SBNO2: variants seen among roughly 807,000 people sequenced by gnomAD.
SBNO2 encodes the protein protein strawberry notch homolog 2.
Under a neutral mutation model 146.3 loss-of-function variants are expected in SBNO2, and 89 were observed. The observed-to-expected ratio is 0.61, with a 90% confidence interval of 0.51 to 0.73. SBNO2 has a LOEUF of 0.73. Among genes scored for constraint, SBNO2 ranks in the 30% least tolerant of loss-of-function variants. The pLI is 0.00. For synonymous variants in SBNO2, 1,147 were observed against 892.6 expected, an observed-to-expected ratio of 1.29 and a Z score of -5.08; for missense variants, 2,092 against 2,003.7, an observed-to-expected ratio of 1.04 and a Z score of -0.84.
At chr19:1,152,187 C>T (rs1275182546) in intron 2 of SBNO2, among the ~76,000 whole-genome samples, 1 of 152,202 alleles carries the variant, frequency 6.6e-6, no homozygotes, top group Non-Finnish European at 1.5e-5. Context: ...CCAGTGCCCC[C>T]GCCGGGTTCC....
chr19:1,131,616 C>A (rs767845052), intron 4 of SBNO2, among the ~76,000 whole-genome samples: 1 of 152,212 alleles, frequency 6.6e-6, no homozygotes, highest in South Asian at 2.1e-4. Context: ...CCACCAGAGC[C>A]AGCCCTGACC....
chr19:1,158,987 G>A lies in SBNO2; in HGVS notation c.-126-4585C>T, dbSNP rs1351128025. Among the ~76,000 whole-genome samples, 14 of 133,878 alleles carry A rather than the reference G, an allele frequency of 1.0e-4. No individual in the cohort carries two copies. Among genetic ancestry groups the A allele is most frequent in the African/African-American group, 2.0e-4 (7 of 34,314 alleles). 87.8% of individuals were successfully genotyped at this position (133,878 alleles called of 152,430 possible). A position where few individuals can be genotyped will look rare whatever the true frequency, so the allele number is the denominator to read the frequency against. On this transcript the variant is annotated intron_variant, in intron 1 of 31. Transcript: ENST00000361757. This position sits in a 1 kb window ranked among gnomAD's most constrained non-coding sequence, Gnocchi z 9.9. ...CTTGCAGCTGCAACCGCCGCCCCAC[G>A]GCCGTGACCCCACCTGCACCCGCGA...
In SBNO2 at chr19:1,112,961, A is replaced by G; in HGVS notation, c.2248-12T>C. The G allele has an allele frequency of 6.4e-7, 1 of 1,554,678 alleles. No individual in the cohort carries two copies. Among genetic ancestry groups the G allele is most frequent in the Non-Finnish European group, 8.7e-7 (1 of 1,150,886 alleles). ...TTCCTGCCGGTCATCTGCAGCCGAGACAGGGACAAAACCGGCCGTCAGTGT... is the reference window on the plus strand; with the variant it reads ...TTCCTGCCGGTCATCTGCAGCCGAGGCAGGGACAAAACCGGCCGTCAGTGT... On this transcript the variant is annotated splice_polypyrimidine_tract_variant and intron_variant, in intron 19 of 31. Transcript: ENST00000361757. The surrounding 1 kb of genome is among the most constrained non-coding windows in gnomAD (Gnocchi z 5.9).
At chr19:1,153,584 C>T (rs1022214647) in intron 2 of SBNO2, among the ~76,000 whole-genome samples, 1 of 151,858 alleles carries the variant, frequency 6.6e-6, no homozygotes, top group African/African-American at 2.4e-5. Context: ...GTCGCCCAGG[C>T]TAGAGTTCAG....
At chr19:1,169,926 C>T (rs1255938436) in intron 1 of SBNO2, among the ~76,000 whole-genome samples, 2 of 152,180 alleles carry the variant, frequency 1.3e-5, no homozygotes, top group Non-Finnish European at 2.9e-5. Context: ...ACAGCAGTCA[C>T]TCCCCCGCCT....
At chr19:1,159,786 CAG>C (rs1368699613) in intron 1 of SBNO2, among the ~76,000 whole-genome samples, 2 of 59,176 alleles carry the variant, frequency 3.4e-5, no homozygotes, top group Non-Finnish European at 6.5e-5. Context: ...CAGTGGGGGA[CAG>C]TGGGGGAACA....
At chr19:1,143,434 T>A (rs554699621) in intron 4 of SBNO2, among the ~76,000 whole-genome samples, 1 of 152,264 alleles carries the variant, frequency 6.6e-6, no homozygotes, top group Admixed American at 6.5e-5. Flanking sequence ...ATTGCACCGC[T>A]GCACTCCAGG....
intron 2 of SBNO2, 137 bp downstream of exon 2, chr19:1,154,047 C>G (rs2080266087): frequency 2.4e-6 from 1 of 416,978 alleles, no homozygotes; most frequent in African/African-American, 2.1e-5. Flanking sequence ...GAGCCGGGCT[C>G]CGGGCCAGGA....
intron 4 of SBNO2, among the ~76,000 whole-genome samples, chr19:1,145,912 C>T (rs985114119): frequency 2.6e-5 from 4 of 152,128 alleles, no homozygotes; most frequent in African/African-American, 9.7e-5. Flanking sequence ...CCAGGCCACA[C>T]ACTGGGGGCT....
In SBNO2 at chr19:1,108,531, G is replaced by C. The variant is rs1255156076; in HGVS notation, c.3790C>G (p.Pro1264Ala). Residue 1264 changes from proline to alanine, a missense_variant, in exon 32 of 32, where the codon CCG becomes GCG. By Grantham distance (27) the Pro-to-Ala change is conservative (BLOSUM62 -1). Coordinates refer to ENST00000361757, the MANE Select transcript of SBNO2 (RefSeq NM_014963.3). ...GEVLDLTYSP[P>A]AEAFPPPPHF... ...GGGGGCGGCGGGAAGGCCTCGGCCG[G>C]GGGGCTGTAGGTGAGGTCCAGCACC... 4.1e-6 allele frequency: 5 copies of C among 1,220,716 alleles called. No homozygotes were observed. The highest frequency in any genetic ancestry group is 2.7e-5 in the South Asian group (1 of 37,540). The allele number at this position is 1,220,716 out of a possible 1,614,324, so 75.6% of individuals were successfully genotyped here.
rs1232161978 is a variant in SBNO2, at chr19:1,112,670, G to T, written c.2380-133C>A. ...GGGCAGCGAGAGGCCTGCGGGGCGC[G>T]GACACCACCCGCCACACGGCCACTC... On this transcript the variant is annotated intron_variant, in intron 20 of 31. Coordinates refer to ENST00000361757, the MANE Select transcript of SBNO2 (RefSeq NM_014963.3). The surrounding 1 kb of genome is among the most constrained non-coding windows in gnomAD (Gnocchi z 5.9). The T allele has an allele frequency of 4.9e-6, 7 of 1,436,338 alleles. 1 individual carries two copies. In the East Asian group the frequency reaches 1.7e-4, roughly 36 times the overall value. The allele number at this position is 1,436,338 out of a possible 1,614,324, so 89.0% of individuals were successfully genotyped here. A position where few individuals can be genotyped will look rare whatever the true frequency, so the allele number is the denominator to read the frequency against.
chr19:1,111,180 T>TC, intron 24 of SBNO2, 87 bp from the exon 25 acceptor site: 1 of 1,409,936 alleles, frequency 7.1e-7, no homozygotes, highest in South Asian at 1.3e-5. Context: ...GACCAGCAGC[T>TC]CCCTGGGGGG....
intron 2 of SBNO2, among the ~76,000 whole-genome samples, chr19:1,151,567 G>A (rs1036514836): frequency 2.0e-5 from 3 of 152,252 alleles, no homozygotes; most frequent in African/African-American, 4.8e-5. Flanking sequence ...GCCAGAGGGT[G>A]TGGCTTCACC....
At chr19:1,135,045 C>CA (rs201799961) in intron 4 of SBNO2, among the ~76,000 whole-genome samples, 7,726 of 49,414 alleles carry the variant, frequency 0.16, 1,265 homozygotes, top group African/African-American at 0.41. Context: ...GACTCTGTCT[C>CA]AAAAAAAAAA....
chr19:1,127,107 C>A (rs909307940), intron 5 of SBNO2, among the ~76,000 whole-genome samples: 1 of 144,862 alleles, frequency 6.9e-6, no homozygotes, highest in African/African-American at 2.9e-5. Context: ...CACTGCTGAC[C>A]CAGGCACCAT....
At chr19:1,148,461 A>G (rs902589002) in intron 3 of SBNO2, among the ~76,000 whole-genome samples, 1 of 142,728 alleles carries the variant, frequency 7.0e-6, no homozygotes, top group Non-Finnish European at 1.6e-5. Flanking sequence ...CTGTGGGAAA[A>G]GTGCCCTTCC....
At chr19:1,119,205 G>C (rs558096534) in intron 13 of SBNO2, 41 bp from the exon 14 acceptor site, 1 of 1,562,914 alleles carries the variant, frequency 6.4e-7, no homozygotes, top group South Asian at 1.1e-5. Flanking sequence ...GCCAGAGCCC[G>C]TGGGGATGGA....
In SBNO2 at chr19:1,173,152, G is replaced by A. The variant is rs575829396; in HGVS notation, c.-127+1020C>T. ...ACGCCCCAGGTCAGTCTGGGGATTGGTCCCTCCAGGCCCCACCTGCCTTAT... is the reference window on the plus strand; with the variant it reads ...ACGCCCCAGGTCAGTCTGGGGATTGATCCCTCCAGGCCCCACCTGCCTTAT... On this transcript the variant is annotated intron_variant, in intron 1 of 31. Transcript: ENST00000361757. This position sits in a 1 kb window ranked among gnomAD's most constrained non-coding sequence, Gnocchi z 4.7. Among the ~76,000 whole-genome samples, 1 of 152,132 alleles carries A rather than the reference G, an allele frequency of 6.6e-6. No homozygotes were observed. The highest frequency in any genetic ancestry group is 2.4e-5 in the African/African-American group (1 of 41,426).
At chr19:1,124,511 G>A (rs1263986494) in intron 5 of SBNO2, among the ~76,000 whole-genome samples, 9 of 152,144 alleles carry the variant, frequency 5.9e-5, no homozygotes, top group Non-Finnish European at 1.3e-4. Flanking sequence ...GGGGGCGGGC[G>A]GGCCTGGGCC....
Sources: gnomAD v4.1 joint callset for allele counts (sites outside exome capture counted in the v4.1 genomes callset) on GRCh38, gnomAD v4.1.1 for gene constraint, Gnocchi (gnomAD v3.1) non-coding constraint, MANE v1.5 for transcripts, NCBI Gene and HGNC (gene_info 2026-07-23, HGNC 2026-07-21) for gene names.